Variants in TNFSF4 observed in about 807,000 individuals in gnomAD.
TNFSF4 encodes the protein tumor necrosis factor ligand superfamily member 4.
TNFSF4 carries 4 observed loss-of-function variants against 7.3 expected under a neutral mutation model. The observed-to-expected ratio is 0.55, with a 90% CI of 0.27 to 1.25. TNFSF4 has a LOEUF of 1.25. TNFSF4 is among the 50% of genes most tolerant of loss of function. The pLI, the probability that TNFSF4 is intolerant of heterozygous loss-of-function variation, is 0.12. For synonymous variants in TNFSF4, 76 were observed against 83.7 expected (o/e 0.91, Z 0.50); for missense variants, 181 against 208.8 (o/e 0.87, Z 0.82).
the TNFSF4 span, among the ~76,000 whole-genome samples, chr1:173,439,930 T>C: frequency 6.6e-6 from 1 of 152,162 alleles, no homozygotes; most frequent in Non-Finnish European, 1.5e-5. Flanking sequence ...TAACAAGAAA[T>C]GTACACCATT....
the TNFSF4 span, among the ~76,000 whole-genome samples, chr1:173,445,991 T>A: frequency 3.9e-5 from 6 of 152,226 alleles, no homozygotes; most frequent in African/African-American, 1.4e-4. Context: ...ATCTTCCAAA[T>A]CTCTTGAGGA....
At chr1:173,342,292 T>TC in the TNFSF4 span, among the ~76,000 whole-genome samples, 6 of 152,242 alleles carry the variant, frequency 3.9e-5, no homozygotes, top group Non-Finnish European at 8.8e-5. Flanking sequence ...GGCTACCCCT[T>TC]CCCCATATAC....
chr1:173,382,223 G>A, the TNFSF4 span, among the ~76,000 whole-genome samples: 4 of 151,918 alleles, frequency 2.6e-5, no homozygotes, highest in East Asian at 1.9e-4. Flanking sequence ...AACTCCAGAC[G>A]CACCACCTTT....
chr1:173,376,638 A>G, the TNFSF4 span, among the ~76,000 whole-genome samples: 1 of 152,306 alleles, frequency 6.6e-6, no homozygotes, highest in East Asian at 1.9e-4. Context: ...AAATGCACCA[A>G]TCAGCACTCT....
chr1:173,266,633 C>T, the TNFSF4 span, among the ~76,000 whole-genome samples: 1 of 152,286 alleles, frequency 6.6e-6, no homozygotes, highest in South Asian at 2.1e-4. Context: ...GTCTGTCTGG[C>T]ATTCACATGA....
At chr1:173,193,751 G>A (rs1249921419) in intron 1 of TNFSF4, among the ~76,000 whole-genome samples, 7 of 148,042 alleles carry the variant, frequency 4.7e-5, no homozygotes, top group Admixed American at 6.7e-5. Flanking sequence ...TGGGTTTCAG[G>A]GCTCCCATAA....
the TNFSF4 span, among the ~76,000 whole-genome samples, chr1:173,340,538 T>C: frequency 9.9e-4 from 150 of 152,226 alleles, no homozygotes; most frequent in Non-Finnish European, 1.5e-3. Flanking sequence ...GGAAGTTTTT[T>C]TGAAGCCTAT....
chr1:173,382,234 A>T, the TNFSF4 span, among the ~76,000 whole-genome samples: 1 of 152,274 alleles, frequency 6.6e-6, no homozygotes, highest in South Asian at 2.1e-4. Context: ...CACCACCTTT[A>T]AGAGCTGTAA....
the TNFSF4 span, among the ~76,000 whole-genome samples, chr1:173,312,414 T>A: frequency 6.6e-6 from 1 of 152,022 alleles, no homozygotes; most frequent in Admixed American, 6.6e-5. Context: ...TCCTCTCCTC[T>A]TTTTTTAATT....
At chr1:173,265,545 C>T in the TNFSF4 span, among the ~76,000 whole-genome samples, 1 of 152,148 alleles carries the variant, frequency 6.6e-6, no homozygotes, top group Admixed American at 6.5e-5. Context: ...ATGTCAATGA[C>T]TGTATAAGTG....
chr1:173,264,733 G>A, the TNFSF4 span, among the ~76,000 whole-genome samples: 1 of 152,170 alleles, frequency 6.6e-6, no homozygotes, highest in Non-Finnish European at 1.5e-5. Flanking sequence ...TTCTGAGAAA[G>A]AGAAAGACAG....
At chr1:173,402,511 C>T in the TNFSF4 span, among the ~76,000 whole-genome samples, 1 of 152,132 alleles carries the variant, frequency 6.6e-6, no homozygotes, top group Non-Finnish European at 1.5e-5. Flanking sequence ...TGTAATATGC[C>T]CTGGGCCATG....
the TNFSF4 span, among the ~76,000 whole-genome samples, chr1:173,442,831 G>C: frequency 1.3e-5 from 2 of 151,868 alleles, no homozygotes; most frequent in Non-Finnish European, 2.9e-5. Context: ...TTACAGGTGT[G>C]AGCCACTGTG....
chr1:173,336,862 T>C, the TNFSF4 span, among the ~76,000 whole-genome samples: 7 of 152,012 alleles, frequency 4.6e-5, no homozygotes. Flanking sequence ...AGGTCAGTCA[T>C]GGCATCTAGC....
the TNFSF4 span, among the ~76,000 whole-genome samples, chr1:173,359,536 A>AAAC: frequency 9.2e-6 from 1 of 109,214 alleles, no homozygotes; most frequent in Non-Finnish European, 1.9e-5. Flanking sequence ...AAAAAAAAAA[A>AAAC]AAAAACTACA....
At chr1:173,312,378 G>T in the TNFSF4 span, among the ~76,000 whole-genome samples, 35 of 151,724 alleles carry the variant, frequency 2.3e-4, no homozygotes, top group Non-Finnish European at 1.5e-4. Context: ...CCCTTTTGTT[G>T]TATTTGTGTT....
chr1:173,287,327 C>G, the TNFSF4 span, among the ~76,000 whole-genome samples: 1 of 151,856 alleles, frequency 6.6e-6, no homozygotes, highest in Non-Finnish European at 1.5e-5. Context: ...AAAGCAAGAC[C>G]CTGACTCAAA....
the TNFSF4 span, among the ~76,000 whole-genome samples, chr1:173,330,044 T>C: frequency 1.3e-5 from 2 of 152,136 alleles, no homozygotes; most frequent in Non-Finnish European, 2.9e-5. Flanking sequence ...GTTCAGGCCA[T>C]AGGGGAGTAA....
the TNFSF4 span, among the ~76,000 whole-genome samples, chr1:173,329,484 G>A: frequency 6.6e-6 from 1 of 152,000 alleles, no homozygotes; most frequent in African/African-American, 2.4e-5. Flanking sequence ...GTTAAGGAGG[G>A]CCAACTACAA....
Sources: gnomAD v4.1 joint callset for allele counts (sites outside exome capture counted in the v4.1 genomes callset) on GRCh38, gnomAD v4.1.1 for gene constraint, MANE v1.5 for transcripts, NCBI Gene and HGNC (gene_info 2026-07-23, HGNC 2026-07-21) for gene names.